Variants in IQGAP2 observed in about 807,000 individuals in gnomAD.
IQGAP2 encodes the protein IQ motif containing GTPase activating protein 2.
Under a neutral mutation model 201.3 loss-of-function variants are expected in IQGAP2, and 173 were observed. The observed-to-expected ratio is 0.86, with a 90% CI of 0.76 to 0.98. IQGAP2 has a LOEUF of 0.98. Ranked by LOEUF, IQGAP2 falls within the 50% of genes least tolerant of loss-of-function variation. IQGAP2 has a pLI of 0.00. For synonymous variants in IQGAP2, 675 were observed against 673.9 expected, an observed-to-expected ratio of 1.00 and a Z score of -0.03; for missense variants, 1,687 against 1,864.8, an observed-to-expected ratio of 0.90 and a Z score of 1.76.
chr5:76,506,697 T>G (rs565002536), intron 2 of IQGAP2, among the ~76,000 whole-genome samples: 97 of 152,156 alleles, frequency 6.4e-4, no homozygotes, highest in Non-Finnish European at 1.4e-3. Context: ...GATGAATACA[T>G]AAGTAAATCA....
At chr5:76,600,102 C>G (rs1260618825) in intron 10 of IQGAP2, among the ~76,000 whole-genome samples, 1 of 151,984 alleles carries the variant, frequency 6.6e-6, no homozygotes, top group Non-Finnish European at 1.5e-5. Flanking sequence ...GAGCCTAGAT[C>G]GTGCCATTGC....
chr5:76,673,699 A>G, intron 25 of IQGAP2, 110 bp downstream of exon 25: 1 of 1,180,028 alleles, frequency 8.5e-7, no homozygotes, highest in Non-Finnish European at 1.2e-6. Context: ...TATTGTGTTT[A>G]CTATTTTAAA....
At chr5:76,488,191 A>T (rs1472603804) in intron 2 of IQGAP2, among the ~76,000 whole-genome samples, 1 of 152,192 alleles carries the variant, frequency 6.6e-6, no homozygotes, top group African/African-American at 2.4e-5. Flanking sequence ...GATAGCTGTC[A>T]ATTCCTAATC....
intron 2 of IQGAP2, among the ~76,000 whole-genome samples, chr5:76,476,199 C>T (rs1755414604): frequency 6.6e-6 from 1 of 152,006 alleles, no homozygotes; most frequent in African/African-American, 2.4e-5. Flanking sequence ...CCAAGGTCAT[C>T]CACCTTCTTG....
chr5:76,534,917 T>C (rs920328049), intron 2 of IQGAP2, among the ~76,000 whole-genome samples: 19 of 152,244 alleles, frequency 1.2e-4, no homozygotes, highest in Admixed American at 1.1e-3. Context: ...TTGAATTTGG[T>C]TGTTCCACCT....
intron 2 of IQGAP2, among the ~76,000 whole-genome samples, chr5:76,558,416 G>T (rs1744099199): frequency 6.6e-6 from 1 of 152,034 alleles, no homozygotes; most frequent in South Asian, 2.1e-4. Context: ...GTAATTATTT[G>T]AAAACAGATT....
chr5:76,464,412 C>T (rs1382164021), intron 2 of IQGAP2, among the ~76,000 whole-genome samples: 2 of 152,186 alleles, frequency 1.3e-5, no homozygotes, highest in Admixed American at 1.3e-4. Flanking sequence ...TGTGTGTTCA[C>T]ATGAATGGAG....
intron 2 of IQGAP2, among the ~76,000 whole-genome samples, chr5:76,525,035 G>A (rs540242536): frequency 6.6e-6 from 1 of 152,200 alleles, no homozygotes; most frequent in Non-Finnish European, 1.5e-5. Flanking sequence ...TGCGAGTCTG[G>A]TGTGGTGTTT....
In IQGAP2 at chr5:76,698,031, A is replaced by C. The variant is rs746905038; in HGVS notation, c.4251A>C (p.Glu1417Asp). The change falls in exon 33 of 36, where the codon GAA becomes GAC. Residue 1417 changes from glutamate to aspartate, a missense_variant. Transcript: ENST00000274364. ...TCTATCGTAAGCTTCGAAAAGCTGA[A>C]TTGGCAAAACTTCAGCAGACCCTGA... ...QRIYRKLRKA[E>D]LAKLQQTLNA... is the part of the protein sequence containing the mutation. 6.2e-7 allele frequency: 1 copy of C among 1,613,604 alleles called. No individual in the cohort carries two copies. The highest frequency in any genetic ancestry group is 1.7e-5 in the Admixed American group (1 of 59,938).
At chr5:76,450,357 C>T (rs1753665083) in intron 1 of IQGAP2, among the ~76,000 whole-genome samples, 1 of 152,244 alleles carries the variant, frequency 6.6e-6, no homozygotes, top group East Asian at 1.9e-4. Flanking sequence ...AAAATGTTTG[C>T]ACTAATATAA....
chr5:76,523,383 G>C (rs888242662), intron 2 of IQGAP2, among the ~76,000 whole-genome samples: 1 of 151,964 alleles, frequency 6.6e-6, no homozygotes, highest in African/African-American at 2.4e-5. Context: ...GAACCACCAC[G>C]ACCAGCCTTA....
chr5:76,659,010 G>A (rs541182431), intron 21 of IQGAP2, among the ~76,000 whole-genome samples: 3 of 152,204 alleles, frequency 2.0e-5, no homozygotes, highest in Non-Finnish European at 4.4e-5. Context: ...TAATCTTATA[G>A]GACTTATGTC....
rs143699665 is a variant in IQGAP2, at chr5:76,589,622, A to G, written c.534A>G (p.Glu178=). ...LLGKVDFTEE[E]ISNMRKELEK... ...TATTTTGTTCTTTGTTAGAGGAGGA[A>G]ATCAGTAATATGAGAAAAGAACTTG... The change falls in exon 7 of 36, where the codon GAA becomes GAG. Residue 178 remains glutamate, a synonymous_variant. Coordinates refer to ENST00000274364, the MANE Select transcript of IQGAP2 (RefSeq NM_006633.5). 1 of 1,571,322 alleles carries G rather than the reference A, an allele frequency of 6.4e-7. No individual in the cohort carries two copies. The highest frequency in any genetic ancestry group is 1.8e-4 in the Middle Eastern group (1 of 5,450).
chr5:76,657,826 C>A (rs1411818980), intron 20 of IQGAP2, among the ~76,000 whole-genome samples: 1 of 152,210 alleles, frequency 6.6e-6, no homozygotes, highest in Non-Finnish European at 1.5e-5. Context: ...CCCCTAGATT[C>A]TGAGCACCCT....
chr5:76,527,085 T>G (rs1221767773), intron 2 of IQGAP2, among the ~76,000 whole-genome samples: 2 of 152,196 alleles, frequency 1.3e-5, no homozygotes, highest in Non-Finnish European at 2.9e-5. Context: ...CCTTGGGTCA[T>G]GGCTAACACC....
intron 27 of IQGAP2, among the ~76,000 whole-genome samples, chr5:76,676,785 G>A (rs1032540072): frequency 6.6e-6 from 1 of 152,230 alleles, no homozygotes; most frequent in Non-Finnish European, 1.5e-5. Context: ...TTAGGGTGAT[G>A]TAGGCCCAGG....
At chr5:76,561,888 T>A (rs1744398339) in intron 2 of IQGAP2, among the ~76,000 whole-genome samples, 1 of 152,240 alleles carries the variant, frequency 6.6e-6, no homozygotes, top group Non-Finnish European at 1.5e-5. Flanking sequence ...CCTTGTCTGC[T>A]TCCTTAATTC....
intron 2 of IQGAP2, among the ~76,000 whole-genome samples, chr5:76,544,570 G>A (rs540606284): frequency 6.6e-6 from 1 of 152,342 alleles, no homozygotes; most frequent in African/African-American, 2.4e-5. Context: ...CCAGGATGCA[G>A]CTTAGAGAGA....
chr5:76,497,236 T>C (rs1167627282), intron 2 of IQGAP2, among the ~76,000 whole-genome samples: 1 of 152,230 alleles, frequency 6.6e-6, no homozygotes, highest in African/African-American at 2.4e-5. Context: ...TGATATTAAC[T>C]GTTAACAGCC....
Sources: gnomAD v4.1 joint callset for allele counts (sites outside exome capture counted in the v4.1 genomes callset) on GRCh38, gnomAD v4.1.1 for gene constraint, MANE v1.5 for transcripts, NCBI Gene and HGNC (gene_info 2026-07-23, HGNC 2026-07-21) for gene names.